Variants in SPTBN1 observed in about 807,000 individuals in gnomAD.
The protein encoded by SPTBN1 is spectrin beta chain, non-erythrocytic 1.
Under a neutral mutation model 266.4 loss-of-function variants are expected in SPTBN1, and 32 were observed. The ratio of observed to expected loss-of-function variants is 0.12; its 90% CI spans 0.09 to 0.16. The LOEUF is 0.16. Among genes scored for constraint, SPTBN1 ranks in the 10% least tolerant of loss-of-function variants. The probability of loss-of-function intolerance (pLI) is 1.00; values close to 1 mark genes in which losing one functional copy is unlikely to be tolerated. For missense variants in SPTBN1, 2,296 were observed against 3,067.1 expected (o/e 0.75, Z 5.94); for synonymous variants, 1,336 against 1,162.2 (o/e 1.15, Z -3.04).
chr2:54,615,577 AT>A (rs1416043185), intron 4 of SPTBN1, among the ~76,000 whole-genome samples: 4 of 152,210 alleles, frequency 2.6e-5, no homozygotes, highest in Non-Finnish European at 5.9e-5. Context: ...CACTGTCATT[AT>A]TTCCATTCCT....
At chr2:54,473,239 C>G (rs536879054) in intron 1 of SPTBN1, among the ~76,000 whole-genome samples, 20 of 152,028 alleles carry the variant, frequency 1.3e-4, no homozygotes, top group Non-Finnish European at 1.9e-4. Flanking sequence ...ACTTTTTGGT[C>G]AATAGAATTG....
In SPTBN1 at chr2:54,612,102, C is replaced by T. The variant is rs955895693; in HGVS notation, c.301-59C>T. On this transcript the variant is annotated intron_variant, in intron 3 of 35. Coordinates refer to ENST00000356805, the MANE Select transcript of SPTBN1 (RefSeq NM_003128.3). ...GGGCACATGTGACTAGGCAGTAACTCGGGGTTCATCTCTACTCTGTTGGGT... is the reference window on the plus strand; with the variant it reads ...GGGCACATGTGACTAGGCAGTAACTTGGGGTTCATCTCTACTCTGTTGGGT... 1.1e-5 allele frequency: 17 copies of T among 1,483,708 alleles called. 1 individual carries two copies. The highest frequency in any genetic ancestry group is 1.3e-5 in the Non-Finnish European group (14 of 1,101,308). The allele number at this position is 1,483,708 out of a possible 1,614,324, so 91.9% of individuals were successfully genotyped here. A position where few individuals can be genotyped will look rare whatever the true frequency, so the allele number is the denominator to read the frequency against.
chr2:54,506,623 ATTG>A (rs1558788218), intron 1 of SPTBN1, among the ~76,000 whole-genome samples: 1 of 152,162 alleles, frequency 6.6e-6, no homozygotes, highest in Middle Eastern at 3.4e-3. Context: ...ACATTTGTGT[ATTG>A]TTGTCTGGGA....
intron 27 of SPTBN1, among the ~76,000 whole-genome samples, chr2:54,654,513 A>AT (rs1207242709): frequency 6.6e-6 from 1 of 152,106 alleles, no homozygotes; most frequent in Non-Finnish European, 1.5e-5. Context: ...TATGATATAT[A>AT]TTTTTTTGAA....
intron 32 of SPTBN1, chr2:54,662,516 AC>A: frequency 5.8e-6 from 1 of 172,628 alleles, no homozygotes; most frequent in Non-Finnish European, 1.2e-5. Context: ...ACATCTCTCT[AC>A]CCAGGTCATT....
intron 12 of SPTBN1, 138 bp from the exon 13 acceptor site, chr2:54,627,959 C>G (rs575422173): frequency 1.1e-5 from 10 of 940,326 alleles, no homozygotes; most frequent in Middle Eastern, 2.3e-4. Flanking sequence ...CATCATCTTC[C>G]CCTGAAGGTG....
rs146990864 is a variant in SPTBN1, at chr2:54,580,384, G to T, written c.149-18708G>T. Among the ~76,000 whole-genome samples, 341 of 152,152 alleles carry T rather than the reference G, an allele frequency of 2.2e-3. 1 individual carries two copies. The highest frequency in any genetic ancestry group is 6.8e-3 in the Middle Eastern group (2 of 294). On this transcript the variant is annotated intron_variant, in intron 2 of 35. Transcript: ENST00000356805. ...TATTTAGAGGCTTCTGCCCACTCTG[G>T]GTAGGCATTTTTATCTTGTATACCC...
intron 3 of SPTBN1, 150 bp from the exon 4 acceptor site, chr2:54,612,011 C>T: frequency 1.4e-6 from 1 of 701,260 alleles, no homozygotes; most frequent in Non-Finnish European, 2.2e-6. Flanking sequence ...TAAATACCGT[C>T]CTTGGACTTA....
At chr2:54,548,496 A>C (rs1672379701) in intron 2 of SPTBN1, among the ~76,000 whole-genome samples, 1 of 152,208 alleles carries the variant, frequency 6.6e-6, no homozygotes. Context: ...GCTGGAAGGC[A>C]GTGGGGAAAG....
At position 54,526,474 on chromosome 2, in the gene SPTBN1, G is replaced by A; in HGVS notation, c.56G>A (p.Ser19Asn). The change falls in exon 2 of 36, where the codon AGT becomes AAT. Residue 19 changes from serine (S) to asparagine (N), a missense_variant. By Grantham distance (46) the Ser-to-Asn change is conservative. This residue lies in a region of SPTBN1 where 178 missense variants were observed against 375.7 expected (regional missense o/e 0.47). Transcript: ENST00000356805. The stretch of plus-strand genomic sequence containing the variant: ...AACATTGAGATCCAGCAGCAGTACA[G>A]TGATGTCAACAACCGCTGGGATGTC... ...YDNIEIQQQY[S>N]DVNNRWDVDD... 1 of 1,614,228 alleles carries A rather than the reference G, an allele frequency of 6.2e-7. No individual in the cohort carries two copies.
At chr2:54,525,787 A>G (rs971903606) in intron 1 of SPTBN1, among the ~76,000 whole-genome samples, 17 of 152,254 alleles carry the variant, frequency 1.1e-4, no homozygotes, top group South Asian at 4.1e-4. Context: ...CAAGAGTGCA[A>G]TGGCACGATA....
intron 9 of SPTBN1, among the ~76,000 whole-genome samples, chr2:54,622,718 C>T (rs759456350): frequency 6.6e-6 from 1 of 152,104 alleles, no homozygotes; most frequent in Admixed American, 6.5e-5. Flanking sequence ...TATGAGAATT[C>T]CAAGAAATGG....
At chr2:54,486,830 A>C (rs1668422097) in intron 1 of SPTBN1, among the ~76,000 whole-genome samples, 1 of 152,130 alleles carries the variant, frequency 6.6e-6, no homozygotes, top group African/African-American at 2.4e-5. Flanking sequence ...ATGTTGATTT[A>C]GAAGACACAG....
rs1447759417 is a variant in SPTBN1, at chr2:54,533,348, TAGTGTG to T, written c.148+6783_148+6788del. On this transcript the variant is annotated intron_variant, in intron 2 of 35. Transcript: ENST00000356805. The surrounding 1 kb of genome is among the most constrained non-coding windows in gnomAD (Gnocchi z 4.2). ...AAGTGAAACCCAGGCTAAAGGGGAC[TAGTGTG>T]TGTGTGTGTGTGTGTGTGTGTGTGT... Among the ~76,000 whole-genome samples the T allele has an allele frequency of 1.7e-5, 2 of 119,610 alleles. No homozygotes were observed. The highest frequency in any genetic ancestry group is 8.7e-5 in the Admixed American group (1 of 11,486). The allele number at this position is 119,610 out of a possible 152,430, so 78.5% of individuals were successfully genotyped here.
chr2:54,521,220 G>GGGCA (rs1670420530), intron 1 of SPTBN1, among the ~76,000 whole-genome samples: 1 of 152,094 alleles, frequency 6.6e-6, no homozygotes, highest in Admixed American at 6.5e-5. Context: ...TCCATGCCAT[G>GGGCA]GGCACACTCT....
rs1678704999 is a variant in SPTBN1, at chr2:54,631,147, C to G, written c.3100C>G (p.Leu1034Val). 1 of 1,614,138 alleles carries G rather than the reference C, an allele frequency of 6.2e-7. No individual in the cohort carries two copies. The highest frequency in any genetic ancestry group is 1.1e-5 in the South Asian group (1 of 91,094). The change falls in exon 16 of 36, where the codon CTG becomes GTG. Residue 1034 changes from leucine (L) to valine (V), a missense_variant. Physicochemically the swap from Leu to Val is conservative, Grantham distance 32. This residue lies in a region of SPTBN1 where 128 missense variants were observed against 176.5 expected (regional missense o/e 0.73). Transcript: ENST00000356805. The part of the protein sequence containing the change: ...SEHPDQAQAI[L>V]SRLAEISDVW... Reference sequence around the variant, plus strand: ...GCACCCCGACCAGGCCCAGGCCATCCTGTCTCGGCTGGCCGAGATCAGCGA... The same window carrying G: ...GCACCCCGACCAGGCCCAGGCCATCGTGTCTCGGCTGGCCGAGATCAGCGA...
intron 2 of SPTBN1, among the ~76,000 whole-genome samples, chr2:54,548,992 G>T (rs200363040): frequency 6.6e-6 from 1 of 152,258 alleles, no homozygotes; most frequent in East Asian, 1.9e-4. Context: ...GGGGGTATAG[G>T]GTGAAGGTTC....
At chr2:54,584,334 A>G (rs190475548) in intron 2 of SPTBN1, among the ~76,000 whole-genome samples, 1 of 152,252 alleles carries the variant, frequency 6.6e-6, no homozygotes, top group East Asian at 1.9e-4. Context: ...CTTTTTGACA[A>G]TTATTTTTTA....
At chr2:54,625,567 G>A (rs551094874) in intron 11 of SPTBN1, among the ~76,000 whole-genome samples, 9 of 151,966 alleles carry the variant, frequency 5.9e-5, no homozygotes, top group Middle Eastern at 3.4e-3. Flanking sequence ...GGGGGGTGGC[G>A]CGGGAAATAG....
Sources: allele counts gnomAD v4.1 joint callset (sites outside exome capture counted in the v4.1 genomes callset), GRCh38; gene constraint gnomAD v4.1.1; regional missense constraint gnomAD v4.1.1; non-coding constraint Gnocchi (gnomAD v3.1); transcripts MANE v1.5; gene names NCBI Gene and HGNC (gene_info 2026-07-23, HGNC 2026-07-21).